Variants in CRLS1 observed in about 807,000 individuals in gnomAD.
CRLS1 encodes the protein cardiolipin synthase (CMP-forming).
In CRLS1, 24 loss-of-function variants were observed where a neutral mutation model predicts 37.0. The observed-to-expected ratio is 0.65, with a 90% CI of 0.47 to 0.91. The LOEUF (loss-of-function observed/expected upper bound fraction) is 0.91. Among genes scored for constraint, CRLS1 ranks in the 40% least tolerant of loss-of-function variants. The pLI, the probability that CRLS1 is intolerant of heterozygous loss-of-function variation, is 0.00. For synonymous variants in CRLS1, 135 were observed against 159.7 expected (o/e 0.85, Z 1.17); for missense variants, 373 against 395.8 (o/e 0.94, Z 0.49).
rs143477095 is a variant in CRLS1, at chr20:6,009,815, C to T, written c.347C>T (p.Thr116Met). 2.3e-5 allele frequency: 37 copies of T among 1,613,754 alleles called. No homozygotes were observed. In the African/African-American group the frequency reaches 2.5e-4, roughly 11 times the overall value. The change falls in exon 2 of 7, where the codon ACG becomes ATG. Residue 116 changes from threonine to methionine, a missense_variant. By Grantham distance (81) the Thr-to-Met change is moderately conservative. Transcript: ENST00000378863. Reference protein sequence around the residue: ...PWTIPNMLSMTRIGLAPVLGY... With the variant: ...PWTIPNMLSMMRIGLAPVLGY... ...ACAATCCCGAATATGTTGTCAATGA[C>T]GAGAATTGGCTTGGCCCCAGTTCTG...
Position 6,039,151 on chromosome 20 carries a change from G to A in CRLS1, c.*1993G>A, listed in dbSNP as rs1183357213. 6.6e-6 allele frequency: 1 copy of A among 152,096 alleles called. No homozygotes were observed. The highest frequency in any genetic ancestry group is 1.9e-4 in the East Asian group (1 of 5,192). The allele number at this position is 152,096 out of a possible 1,614,324, so 9.4% of individuals were successfully genotyped here. On this transcript the variant is annotated 3_prime_UTR_variant, in exon 7 of 7. Transcript: ENST00000378863. ...TATGCTAACTAGATTTTGGGCTTTT[G>A]CAGCGAATTTTAGTCGGGGCCTCAT...
chr20:6,015,568 C>A, intron 3 of CRLS1, 78 bp downstream of exon 3: 1 of 1,404,898 alleles, frequency 7.1e-7, no homozygotes, highest in Non-Finnish European at 1.0e-6. Flanking sequence ...TCTTGAGAGA[C>A]AAATAATTTT....
At chr20:6,011,013 T>G (rs937744446) in intron 2 of CRLS1, among the ~76,000 whole-genome samples, 2 of 150,322 alleles carry the variant, frequency 1.3e-5, no homozygotes, top group African/African-American at 4.9e-5. Flanking sequence ...CAAGAACTTG[T>G]CTCTTAAAAA....
chr20:6,006,040 T>G, upstream of CRLS1: 1 of 353,722 alleles, frequency 2.8e-6, no homozygotes, highest in Non-Finnish European at 5.0e-6. Context: ...ACGACGACGG[T>G]GTCGTAAAAG....
intron 4 of CRLS1, 57 bp from the exon 5 acceptor site, chr20:6,031,955 A>T: frequency 7.6e-7 from 1 of 1,309,088 alleles, no homozygotes. Flanking sequence ...TATTTTAAAT[A>T]AAAATGTTAT....
At chr20:6,007,233 C>T (rs2090069938) in intron 1 of CRLS1, 1 of 1,493,082 alleles carries the variant, frequency 6.7e-7, no homozygotes. Context: ...TCTTCAGTGG[C>T]CCCTGTACTG....
chr20:6,012,768 G>C (rs907580035), intron 2 of CRLS1, among the ~76,000 whole-genome samples: 18 of 152,138 alleles, frequency 1.2e-4, no homozygotes, highest in Non-Finnish European at 1.5e-5. Flanking sequence ...AAATCATCCA[G>C]GCTGAGGTAA....
chr20:6,033,770 C>T (rs995295164), intron 5 of CRLS1, among the ~76,000 whole-genome samples: 2 of 152,136 alleles, frequency 1.3e-5, no homozygotes, highest in Non-Finnish European at 2.9e-5. Flanking sequence ...GCCTTGACTT[C>T]CCAGGCTCAA....
At position 6,010,060 on chromosome 20, in the gene CRLS1, T is replaced by A. The variant is rs187845828; in HGVS notation, c.444+148T>A. On this transcript the variant is annotated intron_variant, in intron 2 of 6. Transcript: ENST00000378863. ...TGGTACTTTTTGTGAGGACTTTGTC[T>A]TTAGCATCTATATGGGATTTTTTTT... 1.5e-4 allele frequency: 109 copies of A among 738,584 alleles called. 2 individuals carry two copies. The African/African-American group carries it at 1.8e-3, about 12-fold the overall frequency. 45.8% of individuals were successfully genotyped at this position (738,584 alleles called of 1,614,324 possible).
chr20:6,008,270 A>C (rs748426229), intron 1 of CRLS1, among the ~76,000 whole-genome samples: 2 of 152,232 alleles, frequency 1.3e-5, no homozygotes, highest in Non-Finnish European at 2.9e-5. Flanking sequence ...AGAGAAGAGA[A>C]AGTCCCATGG....
At chr20:6,011,113 T>A (rs1444093209) in intron 2 of CRLS1, among the ~76,000 whole-genome samples, 1 of 152,148 alleles carries the variant, frequency 6.6e-6, no homozygotes, top group Non-Finnish European at 1.5e-5. Context: ...AGGGCAGAGT[T>A]AGCAGGAGAA....
intron 3 of CRLS1, 23 bp downstream of exon 3, chr20:6,015,513 T>C (rs1490307890): frequency 1.9e-6 from 3 of 1,609,562 alleles, no homozygotes; most frequent in Non-Finnish European, 2.6e-6. Flanking sequence ...CATGCGTACT[T>C]TTGAATAGCA....
chr20:6,006,412 CT>C lies in CRLS1; in HGVS notation c.168del (p.Gly57AlafsTer59). 7.1e-7 allele frequency: 1 copy of C among 1,410,760 alleles called. No homozygotes were observed. The highest frequency in any genetic ancestry group is 2.6e-5 in the Admixed American group (1 of 37,796). The allele number at this position is 1,410,760 out of a possible 1,614,324, so 87.4% of individuals were successfully genotyped here. A position where few individuals can be genotyped will look rare whatever the true frequency, so the allele number is the denominator to read the frequency against. On this transcript the variant is annotated frameshift_variant, in exon 1 of 7. Coordinates refer to ENST00000378863, the MANE Select transcript of CRLS1 (RefSeq NM_019095.6). Reference sequence around the variant, plus strand: ...ACGCTGGAGGCTGCGTCCGGCCGCTCTTGGCTTGCGGCTGCCCGGGATCGGC... The same window carrying C: ...ACGCTGGAGGCTGCGTCCGGCCGCTCTGGCTTGCGGCTGCCCGGGATCGGC... ...AERWRLRPAA[L>X]GLRLPGIGQR...
intron 2 of CRLS1, among the ~76,000 whole-genome samples, chr20:6,014,867 A>C (rs1978618647): frequency 1.3e-5 from 2 of 152,220 alleles, no homozygotes; most frequent in Admixed American, 1.3e-4. Flanking sequence ...TGAGTTTTCT[A>C]TTCAAATGTA....
intron 2 of CRLS1, among the ~76,000 whole-genome samples, chr20:6,010,784 T>G (rs2090122023): frequency 6.6e-6 from 1 of 152,206 alleles, no homozygotes; most frequent in Admixed American, 6.5e-5. Context: ...CTTACACTTG[T>G]AATTCCAGTG....
intron 2 of CRLS1, among the ~76,000 whole-genome samples, chr20:6,012,045 G>C (rs1341994635): frequency 7.6e-6 from 1 of 131,160 alleles, no homozygotes; most frequent in South Asian, 2.4e-4. Flanking sequence ...TTTTTTTCTT[G>C]TAAGCTGCCA....
At position 6,019,059 on chromosome 20, in the gene CRLS1, G is replaced by A. The variant is rs1353141700; in HGVS notation, c.574+3569G>A. Among the ~76,000 whole-genome samples, 14 of 151,476 alleles carry A rather than the reference G, an allele frequency of 9.2e-5. No homozygotes were observed. In the Admixed American group the frequency reaches 9.3e-4, roughly 10 times the overall value. ...AACTAGCCTCATAAAATGAATTGGG[G>A]ACTTTTTTTTTTCTTCCATTCTTGG... On this transcript the variant is annotated intron_variant, in intron 3 of 6. Transcript: ENST00000378863.
At chr20:6,025,977 C>T (rs1324679771) in intron 3 of CRLS1, among the ~76,000 whole-genome samples, 1 of 152,140 alleles carries the variant, frequency 6.6e-6, no homozygotes, top group Non-Finnish European at 1.5e-5. Flanking sequence ...ATTAAAATGA[C>T]AACAGAGGAT....
At chr20:6,020,323 C>G (rs890311951) in intron 3 of CRLS1, among the ~76,000 whole-genome samples, 4 of 152,078 alleles carry the variant, frequency 2.6e-5, no homozygotes, top group Non-Finnish European at 5.9e-5. Flanking sequence ...GTGTCATTGT[C>G]CAGTATACAA....
Sources: allele counts gnomAD v4.1 joint callset (sites outside exome capture counted in the v4.1 genomes callset), GRCh38; gene constraint gnomAD v4.1.1; transcripts MANE v1.5; gene names NCBI Gene and HGNC (gene_info 2026-07-23, HGNC 2026-07-21).